Variants in ASB16 observed in about 807,000 individuals in gnomAD.
ASB16 encodes ankyrin repeat and SOCS box protein 16.
ASB16 carries 44 observed loss-of-function variants against 39.1 expected under a neutral mutation model. That is an observed-to-expected ratio of 1.13 (90% confidence interval 0.88 to 1.45). ASB16 has a LOEUF of 1.45. Among genes scored for constraint, ASB16 ranks in the 40% most tolerant of loss-of-function variants. The probability of loss-of-function intolerance (pLI) is 0.00; values close to 1 mark genes in which losing one functional copy is unlikely to be tolerated. For synonymous variants in ASB16, 305 were observed against 286.7 expected (o/e 1.06, Z -0.64); for missense variants, 698 against 634.5 (o/e 1.10, Z -1.07).
rs963786176 is a variant in ASB16, at chr17:44,176,829, G to T, written c.661G>T (p.Gly221Cys). 2 of 1,612,030 alleles carry T rather than the reference G, an allele frequency of 1.2e-6. No homozygotes were observed. Among genetic ancestry groups the T allele is most frequent in the Non-Finnish European group, 8.5e-7 (1 of 1,179,126 alleles). Residue 221 changes from glycine to cysteine, a missense_variant, in exon 3 of 5, where the codon GGC becomes TGC. Coordinates refer to ENST00000293414, the MANE Select transcript of ASB16 (RefSeq NM_080863.5). ...ETPLHVAAAR[G>C]LEQHVALYLE... ...GCCCCTGCACGTGGCGGCGGCGCGC[G>T]GCCTGGAGCAACATGTGGCTCTGTA...
chr17:44,172,301 C>T lies in ASB16; in HGVS notation c.557C>T (p.Pro186Leu), dbSNP rs532057996. The part of the protein sequence containing the change: ...GTTPLHLCTI[P>L]ESLQCAKLLL... ...ACTCCTTTGCACCTCTGCACGATCC[C>T]CGAGTCCTTGCAGTAGGTGCCTGGG... is the stretch of plus-strand genomic sequence containing the variant. Residue 186 changes from proline (P) to leucine (L), a missense_variant, in exon 2 of 5, where the codon CCC becomes CTC. Physicochemically the swap from Pro to Leu is moderately conservative, Grantham distance 98 (BLOSUM62 -3). Coordinates refer to ENST00000293414, the MANE Select transcript of ASB16 (RefSeq NM_080863.5). 3.7e-6 allele frequency: 6 copies of T among 1,612,078 alleles called. No homozygotes were observed. The highest frequency in any genetic ancestry group is 1.1e-5 in the South Asian group (1 of 91,082).
chr17:44,171,576 A>G (rs976861591), intron 1 of ASB16, among the ~76,000 whole-genome samples: 3 of 150,964 alleles, frequency 2.0e-5, no homozygotes, highest in Non-Finnish European at 4.4e-5. Flanking sequence ...AAAAAAAAAA[A>G]AGAGACAAGG....
In ASB16 at chr17:44,170,912, C is replaced by A. The variant is rs1347111849; in HGVS notation, c.123C>A (p.Cys41Ter). 6.2e-7 allele frequency: 1 copy of A among 1,612,448 alleles called. No individual in the cohort carries two copies. Among genetic ancestry groups the A allele is most frequent in the South Asian group, 1.1e-5 (1 of 91,016 alleles). The change falls in exon 1 of 5, where the codon TGC becomes TGA. Residue 41 changes from cysteine to a stop codon, truncating the protein, a stop_gained. Coordinates refer to ENST00000293414, the MANE Select transcript of ASB16 (RefSeq NM_080863.5). LOFTEE classifies it high-confidence loss of function. ...AAAQQCRSRR[C>*]PSSPRARLTR... Reference sequence around the variant, plus strand: ...CCCAGCAGTGCCGGAGCCGCAGGTGCCCGTCAAGTCCCCGGGCCCGACTCA... The same window carrying A: ...CCCAGCAGTGCCGGAGCCGCAGGTGACCGTCAAGTCCCCGGGCCCGACTCA...
chr17:44,177,143 G>A lies in ASB16; in HGVS notation c.975G>A (p.Leu325=). The A allele has an allele frequency of 6.6e-7, 1 of 1,517,468 alleles. No individual in the cohort carries two copies. The highest frequency in any genetic ancestry group is 8.8e-7 in the Non-Finnish European group (1 of 1,135,870). 94.0% of individuals were successfully genotyped at this position (1,517,468 alleles called of 1,614,324 possible). ...GCCACACGCCCATGGACTGTGCGCTGCAGGCCGTCCAGGACTCCCCCAACT... is the reference window on the plus strand; with the variant it reads ...GCCACACGCCCATGGACTGTGCGCTACAGGCCGTCCAGGACTCCCCCAACT... ...GAGHTPMDCA[L]QAVQDSPNWE... Residue 325 remains leucine, a synonymous_variant, in exon 3 of 5, where the codon CTG becomes CTA. Coordinates refer to ENST00000293414, the MANE Select transcript of ASB16 (RefSeq NM_080863.5).
chr17:44,170,914 C>G lies in ASB16; in HGVS notation c.125C>G (p.Pro42Arg), dbSNP rs145226168. 4 of 1,612,558 alleles carry G rather than the reference C, an allele frequency of 2.5e-6. No homozygotes were observed. The highest frequency in any genetic ancestry group is 3.4e-6 in the Non-Finnish European group (4 of 1,179,790). ...CAGCAGTGCCGGAGCCGCAGGTGCC[C>G]GTCAAGTCCCCGGGCCCGACTCACT... ...AAQQCRSRRC[P>R]SSPRARLTRP... is the part of the protein sequence containing the mutation. Residue 42 changes from proline (P) to arginine (R), a missense_variant, in exon 1 of 5, where the codon CCG (proline) becomes CGG (arginine). Physicochemically the swap from Pro to Arg is moderately radical, Grantham distance 103. Transcript: ENST00000293414.
chr17:44,176,357 CAAAAAA>C (rs367925638), intron 2 of ASB16: 439 of 191,262 alleles, frequency 2.3e-3, no homozygotes, highest in South Asian at 4.1e-3. Flanking sequence ...ACCCTGTCTC[CAAAAAA>C]AAAAAAAAAA....
chr17:44,178,307 T>C lies in ASB16; in HGVS notation c.1279T>C (p.Cys427Arg), dbSNP rs1359097726. The change falls in exon 5 of 5, where the codon TGC becomes CGC. Residue 427 changes from cysteine (C) to arginine (R), a missense_variant. Cys to Arg is a radical substitution (Grantham distance 180). Coordinates refer to ENST00000293414, the MANE Select transcript of ASB16 (RefSeq NM_080863.5). ...TGTGCGCGCTCGGTTGGGAAGCCGC[T>C]GCCGGCAGGGTGCCACCCGGCTGCC... is the stretch of plus-strand genomic sequence containing the variant. ...LAVRARLGSR[C>R]RQGATRLPLP... 3 of 1,612,386 alleles carry C rather than the reference T, an allele frequency of 1.9e-6. No homozygotes were observed. The highest frequency in any genetic ancestry group is 2.5e-6 in the Non-Finnish European group (3 of 1,179,642).
rs1011077431 is a variant in ASB16 at position 44,172,104 on chromosome 17, C to A, written c.360C>A (p.Ala120=). Reference sequence around the variant, plus strand: ...CGGCACCCCTCGCCATCGCTACAGCCCGAGGCTACACAGACTGTGCTCGAC... The same window carrying A: ...CGGCACCCCTCGCCATCGCTACAGCACGAGGCTACACAGACTGTGCTCGAC... ...KQTAPLAIAT[A]RGYTDCARHL... Residue 120 remains alanine (A), a synonymous_variant, in exon 2 of 5, where the codon GCC becomes GCA. Coordinates refer to ENST00000293414, the MANE Select transcript of ASB16 (RefSeq NM_080863.5). The A allele has an allele frequency of 2.5e-6, 4 of 1,611,846 alleles. No individual in the cohort carries two copies. The highest frequency in any genetic ancestry group is 3.4e-6 in the Non-Finnish European group (4 of 1,179,998).
In ASB16 at chr17:44,170,789, C is replaced by A; in HGVS notation, c.-1C>A. 6.3e-7 allele frequency: 1 copy of A among 1,587,762 alleles called. No homozygotes were observed. On this transcript the variant is annotated 5_prime_UTR_variant, in exon 1 of 5. Transcript: ENST00000293414. The stretch of plus-strand genomic sequence containing the variant: ...ACTGCCCAAACCCCTGGGCCCCATC[C>A]ATGGCAAGAGAGACCTTCCCCTTCA...
At chr17:44,171,156 G>A (rs989426912) in intron 1 of ASB16, 66 bp downstream of exon 1, 6 of 1,508,738 alleles carry the variant, frequency 4.0e-6, no homozygotes, top group South Asian at 1.3e-5. Flanking sequence ...GGAAGGGGGA[G>A]AGTCTAGGCC....
chr17:44,177,817 CTGGGTAGAGAGGA>C (rs939771384), intron 4 of ASB16, 95 bp downstream of exon 4: 46 of 1,522,398 alleles, frequency 3.0e-5, no homozygotes, highest in Admixed American at 4.2e-5. Flanking sequence ...AGGAGGGCCC[CTGGGTAGAGAGGA>C]TGGGTAGAGT....
rs766616021 is a variant in ASB16, at chr17:44,172,119, CTG to C, written c.378_379del (p.Ala127SerfsTer9). On this transcript the variant is annotated frameshift_variant, in exon 2 of 5. Coordinates refer to ENST00000293414, the MANE Select transcript of ASB16 (RefSeq NM_080863.5). LOFTEE classifies it high-confidence loss of function. ...TCGCTACAGCCCGAGGCTACACAGA[CTG>C]TGCTCGACACCTGATCCGGCAGGGA... ...AIATARGYTDCARHLIRQGAE... is the reference protein window; with the variant it reads ...AIATARGYTDXARHLIRQGAE... The C allele has an allele frequency of 7.4e-6, 12 of 1,611,556 alleles. No individual in the cohort carries two copies. The Admixed American group carries it at 1.8e-4, about 25-fold the overall frequency.
intron 2 of ASB16, among the ~76,000 whole-genome samples, chr17:44,175,204 C>T (rs1046890312): frequency 4.5e-4 from 68 of 151,376 alleles, no homozygotes; most frequent in Admixed American, 9.9e-4. Flanking sequence ...TCGAGACCAT[C>T]CTGGCTAACA....
Position 44,177,218 on chromosome 17 carries a change from AGTGCGCCCTGAG to A in ASB16, c.1057_1062+6del. ...CACTGCTGGACTACGGGGCGCAGCC[AGTGCGCCCTGAG>A]GTGCGCTGGGAGGCCCTGACATAGG... On this transcript the variant is annotated inframe_deletion and splice_region_variant, in exon 3 of 5. Coordinates refer to ENST00000293414, the MANE Select transcript of ASB16 (RefSeq NM_080863.5). 1.3e-6 allele frequency: 2 copies of A among 1,540,894 alleles called. No individual in the cohort carries two copies. Among genetic ancestry groups the A allele is most frequent in the South Asian group, 2.4e-5 (2 of 83,222 alleles).
At chr17:44,171,118 A>G in intron 1 of ASB16, 28 bp downstream of exon 1, 1 of 1,588,494 alleles carries the variant, frequency 6.3e-7, no homozygotes, top group Non-Finnish European at 8.6e-7. Context: ...AGGGCAGAAG[A>G]GGAGGGAGAA....
chr17:44,172,352 T>TGC (rs749196106), intron 2 of ASB16, 39 bp downstream of exon 2: 1 of 1,588,862 alleles, frequency 6.3e-7, no homozygotes, highest in East Asian at 2.2e-5. Context: ...GGGAGAAATG[T>TGC]GTGTGTGTGT....
intron 2 of ASB16, among the ~76,000 whole-genome samples, chr17:44,172,635 T>C (rs897626279): frequency 1.3e-5 from 2 of 152,066 alleles, no homozygotes; most frequent in Non-Finnish European, 2.9e-5. Flanking sequence ...CTGTTTTTTT[T>C]TGTTTTTTGA....
In ASB16 at chr17:44,177,142, T is replaced by C. The variant is rs776948221; in HGVS notation, c.974T>C (p.Leu325Pro). 3 of 1,517,636 alleles carry C rather than the reference T, an allele frequency of 2.0e-6. No homozygotes were observed. Among genetic ancestry groups the C allele is most frequent in the African/African-American group, 1.4e-5 (1 of 72,164 alleles). 94.0% of individuals were successfully genotyped at this position (1,517,636 alleles called of 1,614,324 possible). A position where few individuals can be genotyped will look rare whatever the true frequency, so the allele number is the denominator to read the frequency against. The change falls in exon 3 of 5, where the codon CTG (leucine) becomes CCG (proline). Residue 325 changes from leucine to proline, a missense_variant. Transcript: ENST00000293414. ...GGCCACACGCCCATGGACTGTGCGCTGCAGGCCGTCCAGGACTCCCCCAAC... is the reference window on the plus strand; with the variant it reads ...GGCCACACGCCCATGGACTGTGCGCCGCAGGCCGTCCAGGACTCCCCCAAC... ...GAGHTPMDCA[L>P]QAVQDSPNWE...
In ASB16 at chr17:44,177,048, A is replaced by T; in HGVS notation, c.880A>T (p.Asn294Tyr). The T allele has an allele frequency of 6.7e-7, 1 of 1,484,968 alleles. No homozygotes were observed. The allele number at this position is 1,484,968 out of a possible 1,614,324, so 92.0% of individuals were successfully genotyped here. A position where few individuals can be genotyped will look rare whatever the true frequency, so the allele number is the denominator to read the frequency against. ...CACGCCGCTGCACAACGCTTGTGCC[A>T]ACGGCTGCGGGGGCCTGGCCGAGCT... ...RHTPLHNACA[N>Y]GCGGLAELLL... Residue 294 changes from asparagine to tyrosine, a missense_variant, in exon 3 of 5, where the codon AAC (asparagine) becomes TAC (tyrosine). Transcript: ENST00000293414.
Sources: gnomAD v4.1 joint callset for allele counts (sites outside exome capture counted in the v4.1 genomes callset) on GRCh38, gnomAD v4.1.1 for gene constraint, MANE v1.5 for transcripts, NCBI Gene and HGNC (gene_info 2026-07-23, HGNC 2026-07-21) for gene names.